Variants in B4GALNT3 observed in about 807,000 individuals in gnomAD.
B4GALNT3 encodes the protein beta-1,4-N-acetylgalactosaminyltransferase 3.
B4GALNT3 carries 86 observed loss-of-function variants against 120.2 expected under a neutral mutation model. The observed-to-expected ratio is 0.72, with a 90% CI of 0.60 to 0.86. B4GALNT3 has a LOEUF of 0.86. Ranked by LOEUF, B4GALNT3 falls within the 40% of genes least tolerant of loss-of-function variation. The probability of loss-of-function intolerance (pLI) is 0.00; values close to 1 mark genes in which losing one functional copy is unlikely to be tolerated. For synonymous variants in B4GALNT3, 518 were observed against 510.4 expected (o/e 1.01, Z -0.20); for missense variants, 1,167 against 1,298.9 (o/e 0.90, Z 1.56).
intron 1 of B4GALNT3, among the ~76,000 whole-genome samples, chr12:485,617 A>AT (rs1460152585): frequency 6.6e-6 from 1 of 152,222 alleles, no homozygotes; most frequent in African/African-American, 2.4e-5. Flanking sequence ...TCAGCTACGA[A>AT]TGGGATTGCC....
In B4GALNT3 at chr12:562,351, C is replaced by T. The variant is rs1041462077; in HGVS notation, c.*900C>T. Reference sequence around the variant, plus strand: ...AGGATGTGGACATATCTGTCAATTTCCTTAGGCAAGAAGCGGGTGGGGGCT... The same window carrying T: ...AGGATGTGGACATATCTGTCAATTTTCTTAGGCAAGAAGCGGGTGGGGGCT... On this transcript the variant is annotated 3_prime_UTR_variant, in exon 20 of 20. Coordinates refer to ENST00000266383, the MANE Select transcript of B4GALNT3 (RefSeq NM_173593.4). The surrounding 1 kb of genome is among the most constrained non-coding windows in gnomAD (Gnocchi z 5.2). The T allele has an allele frequency of 6.6e-6, 1 of 152,446 alleles. No individual in the cohort carries two copies. Among genetic ancestry groups the T allele is most frequent in the Non-Finnish European group, 1.5e-5 (1 of 68,224 alleles). 9.4% of individuals were successfully genotyped at this position (152,446 alleles called of 1,614,324 possible).
At position 556,885 on chromosome 12, in the gene B4GALNT3, C is replaced by T; in HGVS notation, c.2380+19C>T. 1 of 1,586,850 alleles carries T rather than the reference C, an allele frequency of 6.3e-7. No homozygotes were observed. Among genetic ancestry groups the T allele is most frequent in the Non-Finnish European group, 8.6e-7 (1 of 1,162,520 alleles). ...GTGCCTGGTGAGCCTCAAGCTGAGCCTCGGCATTCTCAGGGGCGGGGTCCT... is the reference window on the plus strand; with the variant it reads ...GTGCCTGGTGAGCCTCAAGCTGAGCTTCGGCATTCTCAGGGGCGGGGTCCT... On this transcript the variant is annotated intron_variant, in intron 15 of 19. Transcript: ENST00000266383.
At chr12:543,938 G>A (rs1025663539) in intron 3 of B4GALNT3, among the ~76,000 whole-genome samples, 3 of 132,070 alleles carry the variant, frequency 2.3e-5, no homozygotes, top group Middle Eastern at 4.7e-3. Flanking sequence ...TCCTCCTGGA[G>A]CTGAGGATCT....
chr12:494,685 T>C (rs1946372319), intron 1 of B4GALNT3, among the ~76,000 whole-genome samples: 1 of 151,954 alleles, frequency 6.6e-6, no homozygotes, highest in Non-Finnish European at 1.5e-5. Flanking sequence ...AACAGGAGTG[T>C]AGGAGAAGAC....
At chr12:514,301 C>T (rs1253878471) in intron 1 of B4GALNT3, among the ~76,000 whole-genome samples, 1 of 137,620 alleles carries the variant, frequency 7.3e-6, no homozygotes, top group Non-Finnish European at 1.6e-5. Context: ...GGGTTCACGC[C>T]ATTCTCCTGC....
rs559564456 is a variant in B4GALNT3, at chr12:549,762, C to A, written c.854-7C>A. On this transcript the variant is annotated splice_polypyrimidine_tract_variant and splice_region_variant and intron_variant, in intron 9 of 19. Coordinates refer to ENST00000266383, the MANE Select transcript of B4GALNT3 (RefSeq NM_173593.4). ...AGCCTCCTGCTTTCTTTCCTCCCTG[C>A]GCCCAGATGAGACGTTCCTACAGAT... The A allele has an allele frequency of 1.2e-6, 2 of 1,613,724 alleles. No individual in the cohort carries two copies. The highest frequency in any genetic ancestry group is 1.7e-6 in the Non-Finnish European group (2 of 1,180,014).
At chr12:505,600 T>C (rs1290401085) in intron 1 of B4GALNT3, among the ~76,000 whole-genome samples, 2 of 152,234 alleles carry the variant, frequency 1.3e-5, no homozygotes, top group Admixed American at 1.3e-4. Flanking sequence ...TTTTGCATTT[T>C]CTGGCCTTTC....
intron 1 of B4GALNT3, among the ~76,000 whole-genome samples, chr12:534,194 A>G (rs1158825568): frequency 1.3e-5 from 2 of 152,244 alleles, no homozygotes; most frequent in African/African-American, 4.8e-5. Flanking sequence ...AGCCTTGATC[A>G]GCCATTTGAC....
chr12:511,247 C>T (rs1255125716), intron 1 of B4GALNT3, among the ~76,000 whole-genome samples: 21 of 149,808 alleles, frequency 1.4e-4, no homozygotes, highest in Admixed American at 1.1e-3. Flanking sequence ...TTCCACCTTC[C>T]GCCTTCTGCC....
At position 557,607 on chromosome 12, in the gene B4GALNT3, G is replaced by C. The variant is rs1947173224; in HGVS notation, c.2381-1G>C. On this transcript the variant is annotated splice_acceptor_variant, in intron 15 of 19. Coordinates refer to ENST00000266383, the MANE Select transcript of B4GALNT3 (RefSeq NM_173593.4). LOFTEE classifies it high-confidence loss of function. Reference sequence around the variant, plus strand: ...TTCTCCTGCCTGACCCCCTGGGGTAGTGAAGAACCAGGCACGCTGGGTACA... The same window carrying C: ...TTCTCCTGCCTGACCCCCTGGGGTACTGAAGAACCAGGCACGCTGGGTACA... 3.7e-6 allele frequency: 6 copies of C among 1,609,034 alleles called. No homozygotes were observed. The highest frequency in any genetic ancestry group is 5.1e-6 in the Non-Finnish European group (6 of 1,178,362).
chr12:480,594 G>A (rs1192157196), intron 1 of B4GALNT3, among the ~76,000 whole-genome samples: 1 of 151,800 alleles, frequency 6.6e-6, no homozygotes, highest in African/African-American at 2.4e-5. Flanking sequence ...AAGGAGCCCT[G>A]GGGAGATGCC....
At chr12:543,819 A>C (rs1946952836) in intron 3 of B4GALNT3, among the ~76,000 whole-genome samples, 1 of 130,338 alleles carries the variant, frequency 7.7e-6, no homozygotes, top group Admixed American at 7.5e-5. Context: ...GGAGCTGAGG[A>C]GCTGGGATGG....
intron 1 of B4GALNT3, among the ~76,000 whole-genome samples, chr12:490,368 A>T (rs1315446631): frequency 2.0e-5 from 3 of 152,228 alleles, no homozygotes; most frequent in Admixed American, 6.5e-5. Context: ...ACTAAGAAAA[A>T]AAAACAAATT....
intron 1 of B4GALNT3, among the ~76,000 whole-genome samples, chr12:497,385 C>T (rs1295631165): frequency 2.0e-5 from 3 of 152,250 alleles, no homozygotes; most frequent in Non-Finnish European, 2.9e-5. Context: ...TCAGGTGAAC[C>T]GCCCGCCTCG....
rs1367066124 is a variant in B4GALNT3, at chr12:561,420, T to C, written c.2966T>C (p.Met989Thr). 2 of 1,613,680 alleles carry C rather than the reference T, an allele frequency of 1.2e-6. No individual in the cohort carries two copies. Among genetic ancestry groups the C allele is most frequent in the Admixed American group, 1.7e-5 (1 of 60,024 alleles). ...CATCATTTCCATTCCAAGCGAGGCA[T>C]GTGGAGCCGTCGCCAGATGAAGACG... ...FFHHFHSKRG[M>T]WSRRQMKTL The change falls in exon 20 of 20, where the codon ATG (methionine) becomes ACG (threonine). Residue 989 changes from methionine to threonine, a missense_variant. Physicochemically the swap from Met to Thr is moderately conservative, Grantham distance 81. This residue lies in a region of B4GALNT3 where 983 missense variants were observed against 1,102.5 expected (regional missense o/e 0.89). Transcript: ENST00000266383.
At chr12:467,479 A>C (rs1946093125) in intron 1 of B4GALNT3, among the ~76,000 whole-genome samples, 3 of 152,160 alleles carry the variant, frequency 2.0e-5, no homozygotes, top group Non-Finnish European at 4.4e-5. Flanking sequence ...GAGTCGCTTG[A>C]ACCTGGGAAG....
At chr12:482,890 C>CA (rs1390358543) in intron 1 of B4GALNT3, among the ~76,000 whole-genome samples, 2 of 152,118 alleles carry the variant, frequency 1.3e-5, no homozygotes, top group Non-Finnish European at 2.9e-5. Context: ...AGAAAGTGTA[C>CA]ACAGGTGTTA....
At chr12:522,790 T>C (rs1946722590) in intron 1 of B4GALNT3, among the ~76,000 whole-genome samples, 1 of 150,216 alleles carries the variant, frequency 6.7e-6, no homozygotes, top group Non-Finnish European at 1.5e-5. Context: ...AAAAAAAAAT[T>C]AGCCAGGCAT....
At position 544,961 on chromosome 12, in the gene B4GALNT3, C is replaced by A; in HGVS notation, c.527C>A (p.Pro176His). 6.2e-7 allele frequency: 1 copy of A among 1,613,972 alleles called. No individual in the cohort carries two copies. Among genetic ancestry groups the A allele is most frequent in the Non-Finnish European group, 8.5e-7 (1 of 1,179,960 alleles). ...CTCCGCATCTTTGGCTACCTGCACC[C>A]CTTTACTGATGGTGAGGCCAGCCCC... ...YGLRIFGYLH[P>H]FTDGKIQFAI... Residue 176 changes from proline to histidine, a missense_variant, in exon 5 of 20, where the codon CCC becomes CAC. Physicochemically the swap from Pro to His is moderately conservative, Grantham distance 77. Around this residue, in one of 3 missense-constraint regions of B4GALNT3, gnomAD observed 983 missense variants for 1,102.5 expected, o/e 0.89. Coordinates refer to ENST00000266383, the MANE Select transcript of B4GALNT3 (RefSeq NM_173593.4).
Sources: gnomAD v4.1 joint callset for allele counts (sites outside exome capture counted in the v4.1 genomes callset) on GRCh38, gnomAD v4.1.1 for gene constraint, gnomAD v4.1.1 regional missense constraint, Gnocchi (gnomAD v3.1) non-coding constraint, MANE v1.5 for transcripts, NCBI Gene and HGNC (gene_info 2026-07-23, HGNC 2026-07-21) for gene names.